SLC36A1: variants seen among roughly 807,000 people sequenced by gnomAD.
SLC36A1 encodes solute carrier family 36 member 1, also known as proton-coupled amino acid transporter 1.
SLC36A1 carries 30 observed loss-of-function variants against 47.5 expected under a neutral mutation model. The observed-to-expected ratio is 0.63, with a 90% CI of 0.47 to 0.86. SLC36A1 has a LOEUF of 0.86. Among genes scored for constraint, SLC36A1 ranks in the 40% least tolerant of loss-of-function variants. SLC36A1 has a pLI of 0.00. For missense variants in SLC36A1, 517 were observed against 606.0 expected, an observed-to-expected ratio of 0.85 and a Z score of 1.54; for synonymous variants, 255 against 249.7, an observed-to-expected ratio of 1.02 and a Z score of -0.20.
chr5:151,347,748 T>C, the SLC36A1 span, among the ~76,000 whole-genome samples: 1 of 152,178 alleles, frequency 6.6e-6, no homozygotes, highest in Non-Finnish European at 1.5e-5. Context: ...TAATGATAAC[T>C]ATTATACTGA....
chr5:151,357,237 C>T, the SLC36A1 span, among the ~76,000 whole-genome samples: 1 of 152,220 alleles, frequency 6.6e-6, no homozygotes, highest in Admixed American at 6.5e-5. Context: ...CACAGGCCCA[C>T]ATAGCTAAGG....
At chr5:151,494,884 C>T (rs357607), downstream of SLC36A1, among the ~76,000 whole-genome samples, 22,312 of 151,992 alleles carry the variant, frequency 0.15, 2,001 homozygotes, top group Non-Finnish European at 0.21. Context: ...AGTGGCCATT[C>T]GCAAGTTTTG....
At chr5:151,494,931 T>A (rs1760295766), downstream of SLC36A1, among the ~76,000 whole-genome samples, 1 of 152,202 alleles carries the variant, frequency 6.6e-6, no homozygotes, top group African/African-American at 2.4e-5. Flanking sequence ...ATAAAAAAAT[T>A]ACTATTATGA....
intron 7 of SLC36A1, among the ~76,000 whole-genome samples, chr5:151,468,247 G>A (rs1213302709): frequency 2.7e-5 from 1 of 36,626 alleles, no homozygotes; most frequent in Non-Finnish European, 4.3e-5. Context: ...GCAAGACTCT[G>A]TCTCAAAAAA....
At chr5:151,414,972 A>G in the SLC36A1 span, among the ~76,000 whole-genome samples, 1 of 151,992 alleles carries the variant, frequency 6.6e-6, no homozygotes, top group Non-Finnish European at 1.5e-5. Flanking sequence ...GGCTCATTAC[A>G]TTTATGTCCA....
chr5:151,545,969 G>T, the SLC36A1 span: 1 of 1,614,018 alleles, frequency 6.2e-7, no homozygotes, highest in Non-Finnish European at 8.5e-7. Context: ...ATTTTCTCAT[G>T]GTCCAATTTC....
chr5:151,526,016 T>C, the SLC36A1 span: 1 of 1,564,570 alleles, frequency 6.4e-7, no homozygotes, highest in Non-Finnish European at 8.7e-7. Context: ...GTCCCGGTCC[T>C]TCCTTTCGCA....
At chr5:151,418,211 G>A in the SLC36A1 span, among the ~76,000 whole-genome samples, 4 of 152,346 alleles carry the variant, frequency 2.6e-5, no homozygotes, top group Admixed American at 1.3e-4. Context: ...CCTCTGCTAG[G>A]GCAGTGAGGA....
At chr5:151,507,089 G>A in the SLC36A1 span, 1 of 1,390,244 alleles carries the variant, frequency 7.2e-7, no homozygotes, top group South Asian at 1.4e-5. Context: ...TCAGATAACG[G>A]AGTGTTTAGA....
chr5:151,371,720 T>C, the SLC36A1 span, among the ~76,000 whole-genome samples: 1 of 152,234 alleles, frequency 6.6e-6, no homozygotes, highest in South Asian at 2.1e-4. Context: ...AAAACACTCT[T>C]CTTTTAGTTT....
chr5:151,443,892 A>G (rs62377465), upstream of SLC36A1, among the ~76,000 whole-genome samples: 35,300 of 152,076 alleles, frequency 0.23, 4,425 homozygotes, highest in African/African-American at 0.31. Flanking sequence ...CATAAAAACC[A>G]GTTTTCTCAG....
the SLC36A1 span, chr5:151,531,855 T>C: frequency 6.2e-7 from 1 of 1,613,958 alleles, no homozygotes; most frequent in Non-Finnish European, 8.5e-7. The surrounding 1 kb of genome is among the most constrained non-coding windows in gnomAD (Gnocchi z 5.7). Flanking sequence ...GCTCCAGTGG[T>C]GCCTGGGGCC....
the SLC36A1 span, chr5:151,512,248 AG>A: frequency 6.2e-7 from 1 of 1,614,194 alleles, no homozygotes; most frequent in Non-Finnish European, 8.5e-7. The surrounding 1 kb of genome is among the most constrained non-coding windows in gnomAD (Gnocchi z 4.1). Flanking sequence ...GCACTGGGTG[AG>A]GGCTTGTGTC....
intron 1 of SLC36A1, among the ~76,000 whole-genome samples, chr5:151,458,249 CAT>C (rs143433547): frequency 7.6e-5 from 11 of 145,566 alleles, no homozygotes; most frequent in Middle Eastern, 3.7e-3. Flanking sequence ...AGAGCTTGTA[CAT>C]ATATATATAT....
intron 8 of SLC36A1, among the ~76,000 whole-genome samples, chr5:151,474,183 A>AAAAAAAAAAAAAAAAATTATCTTC (rs1561770143): frequency 3.2e-4 from 46 of 145,424 alleles, no homozygotes; most frequent in African/African-American, 1.3e-3. Flanking sequence ...AAAAAAAGAA[A>AAAAAAAAAAAAAAAAATTATCTTC]TTATCTTCTG....
chr5:151,550,606 T>G, the SLC36A1 span: 4 of 1,614,150 alleles, frequency 2.5e-6, no homozygotes, highest in Non-Finnish European at 3.4e-6. Context: ...TGTCAGTGTG[T>G]GCTGGGAGGG....
At chr5:151,505,997 C>T in the SLC36A1 span, 38 of 1,573,336 alleles carry the variant, frequency 2.4e-5, 2 homozygotes, top group African/African-American at 2.6e-4. Context: ...GGCGGTGAGC[C>T]GAGGGCGGCA....
At chr5:151,356,347 A>AAAAAAAAAAAAAAAAAAAAAAC in the SLC36A1 span, among the ~76,000 whole-genome samples, 1 of 148,224 alleles carries the variant, frequency 6.7e-6, no homozygotes, top group African/African-American at 2.5e-5. Flanking sequence ...CACAAAAAAA[A>AAAAAAAAAAAAAAAAAAAAAAC]AAAAAAAAAA....
the SLC36A1 span, among the ~76,000 whole-genome samples, chr5:151,399,239 A>G: frequency 1.3e-5 from 2 of 151,700 alleles, no homozygotes; most frequent in African/African-American, 2.4e-5. Context: ...GATGTGTACC[A>G]CCACACCTGG....
Sources: gnomAD v4.1 joint callset for allele counts (sites outside exome capture counted in the v4.1 genomes callset) on GRCh38, gnomAD v4.1.1 for gene constraint, Gnocchi (gnomAD v3.1) non-coding constraint, MANE v1.5 for transcripts, NCBI Gene and HGNC (gene_info 2026-07-23, HGNC 2026-07-21) for gene names.